The following COL25A1 variants were observed in gnomAD, a reference collection of about 807,000 sequenced individuals.
COL25A1 encodes the protein collagen type XXV alpha 1 chain.
Under a neutral mutation model 128.4 loss-of-function variants are expected in COL25A1, and 103 were observed. The ratio of observed to expected loss-of-function variants is 0.80; its 90% confidence interval spans 0.68 to 0.94. The LOEUF (loss-of-function observed/expected upper bound fraction) is 0.94, where lower values mean the gene tolerates loss of function less well. Among genes scored for constraint, COL25A1 ranks in the 40% least tolerant of loss-of-function variants. The probability of loss-of-function intolerance (pLI) is 0.00; values close to 1 mark genes in which losing one functional copy is unlikely to be tolerated. For missense variants in COL25A1, 745 were observed against 840.0 expected, an observed-to-expected ratio of 0.89 and a Z score of 1.40; for synonymous variants, 279 against 277.2, an observed-to-expected ratio of 1.01 and a Z score of -0.06.
intron 3 of COL25A1, among the ~76,000 whole-genome samples, chr4:109,276,411 C>CAAA (rs201350321): frequency 2.1e-5 from 2 of 93,340 alleles, no homozygotes; most frequent in African/African-American, 4.5e-5. Context: ...GACTCTGTCT[C>CAAA]AAAAAAAAAA....
chr4:108,899,122 G>A, intron 15 of COL25A1, 32 bp downstream of exon 15: 3 of 1,603,022 alleles, frequency 1.9e-6, no homozygotes, highest in South Asian at 2.2e-5. Context: ...TGGGGAGTAG[G>A]GAGAGAGAAA....
At chr4:109,111,635 C>T (rs1767033580) in intron 3 of COL25A1, among the ~76,000 whole-genome samples, 1 of 152,162 alleles carries the variant, frequency 6.6e-6, no homozygotes, top group Non-Finnish European at 1.5e-5. Context: ...TAAAATTCAT[C>T]TCAGCTTTTA....
At chr4:109,171,192 G>T (rs58601435) in intron 3 of COL25A1, among the ~76,000 whole-genome samples, 10,144 of 152,134 alleles carry the variant, frequency 0.067, 602 homozygotes, top group African/African-American at 0.16. Flanking sequence ...CCAGCCAGAG[G>T]CATGCCAACT....
intron 31 of COL25A1, among the ~76,000 whole-genome samples, chr4:108,838,543 A>C (rs1308336041): frequency 6.6e-6 from 1 of 152,218 alleles, no homozygotes; most frequent in Non-Finnish European, 1.5e-5. Flanking sequence ...GGTAGAAAAA[A>C]AAACCCACTC....
At chr4:108,831,787 CT>C (rs888592024) in intron 32 of COL25A1, among the ~76,000 whole-genome samples, 1 of 151,366 alleles carries the variant, frequency 6.6e-6, no homozygotes, top group Non-Finnish European at 1.5e-5. Flanking sequence ...TTCTGAATGT[CT>C]TTTTTCCCCC....
At chr4:108,986,286 T>C (rs906062327) in intron 6 of COL25A1, among the ~76,000 whole-genome samples, 2 of 152,206 alleles carry the variant, frequency 1.3e-5, no homozygotes, top group Non-Finnish European at 2.9e-5. Flanking sequence ...TTTTGTAATC[T>C]ACAATGAAAA....
intron 19 of COL25A1, among the ~76,000 whole-genome samples, chr4:108,873,405 C>G (rs1739005074): frequency 6.6e-6 from 1 of 152,092 alleles, no homozygotes; most frequent in African/African-American, 2.4e-5. Context: ...TTAGTTAAGA[C>G]TTACCATACA....
chr4:109,063,198 TTTAAC>T (rs947832425), intron 3 of COL25A1, among the ~76,000 whole-genome samples: 1 of 152,178 alleles, frequency 6.6e-6, no homozygotes, highest in African/African-American at 2.4e-5. Flanking sequence ...AAAGTGAAAT[TTTAAC>T]TTAACTTTAA....
intron 16 of COL25A1, among the ~76,000 whole-genome samples, chr4:108,896,325 C>T (rs1358296059): frequency 1.3e-5 from 2 of 151,962 alleles, no homozygotes; most frequent in East Asian, 1.9e-4. Context: ...CTTTAGGGTC[C>T]CTATTTTCAT....
At position 109,046,231 on chromosome 4, in the gene COL25A1, A is replaced by T. The variant is rs552268677; in HGVS notation, c.420+1937T>A. On this transcript the variant is annotated intron_variant, in intron 5 of 37. Transcript: ENST00000399132. Reference sequence around the variant, plus strand: ...ATTATACATGTAAAGTACCTAGAATATTGCTTGCCTTACACTAGGGGCTTA... The same window carrying T: ...ATTATACATGTAAAGTACCTAGAATTTTGCTTGCCTTACACTAGGGGCTTA... Among the ~76,000 whole-genome samples the T allele has an allele frequency of 3.9e-5, 6 of 152,278 alleles. No homozygotes were observed. The South Asian group carries it at 1.2e-3, about 32-fold the overall frequency.
intron 18 of COL25A1, among the ~76,000 whole-genome samples, chr4:108,886,179 T>C (rs1160327662): frequency 2.6e-5 from 4 of 152,212 alleles, no homozygotes; most frequent in African/African-American, 9.6e-5. Context: ...TATTTCATAA[T>C]TTGACCTTTC....
intron 8 of COL25A1, among the ~76,000 whole-genome samples, chr4:108,970,650 G>A (rs929710191): frequency 6.6e-6 from 1 of 152,026 alleles, no homozygotes. Context: ...TAGATCTGTT[G>A]AACTTATTCC....
intron 8 of COL25A1, among the ~76,000 whole-genome samples, chr4:108,953,588 A>C (rs1021007554): frequency 6.6e-6 from 1 of 152,178 alleles, no homozygotes; most frequent in Admixed American, 6.5e-5. Flanking sequence ...TAGAAGAGTG[A>C]AGCTGGGGCT....
chr4:108,841,873 C>A, intron 30 of COL25A1, 152 bp from the exon 31 acceptor site: 2 of 648,846 alleles, frequency 3.1e-6, no homozygotes, highest in East Asian at 2.8e-5. Flanking sequence ...TATTTATTAC[C>A]CACCAAAAGT....
intron 3 of COL25A1, among the ~76,000 whole-genome samples, chr4:109,238,713 A>G (rs1262179588): frequency 6.6e-6 from 1 of 152,026 alleles, no homozygotes; most frequent in Non-Finnish European, 1.5e-5. Context: ...TGCCTCTCAC[A>G]GCAGCTCTGC....
intron 11 of COL25A1, 117 bp downstream of exon 11, chr4:108,937,691 A>G: frequency 2.5e-6 from 2 of 801,794 alleles, no homozygotes; most frequent in Non-Finnish European, 3.9e-6. Context: ...AACTTTTACT[A>G]ATTTTCACTT....
chr4:108,848,718 G>A, intron 27 of COL25A1, 41 bp downstream of exon 27: 1 of 1,376,912 alleles, frequency 7.3e-7, no homozygotes. Flanking sequence ...TAGTAATCAA[G>A]AATGATGCTT....
chr4:108,818,859 CTTT>C (rs34144135), intron 36 of COL25A1, among the ~76,000 whole-genome samples: 79 of 147,792 alleles, frequency 5.3e-4, no homozygotes, highest in Admixed American at 2.7e-3. Context: ...GCAGAAATAC[CTTT>C]TTTTTTTTTT....
rs368901006 is a variant in COL25A1, at chr4:108,884,222, C to G, written c.976G>C (p.Gly326Arg). The change falls in exon 19 of 38, where the codon GGT (glycine) becomes CGT (arginine). Residue 326 changes from glycine to arginine, a missense_variant and splice_region_variant. Coordinates refer to ENST00000399132, the MANE Select transcript of COL25A1 (RefSeq NM_198721.4). Reference protein sequence around the residue: ...PGESGRPGQKGEPGLPGLPGL... With the variant: ...PGESGRPGQKREPGLPGLPGL... Reference sequence around the variant, plus strand: ...GGAAGCCCAGGAAGCCCTGGTTCACCCTACACAGGAAAATCATATAGCATT... The same window carrying G: ...GGAAGCCCAGGAAGCCCTGGTTCACGCTACACAGGAAAATCATATAGCATT... 6.2e-7 allele frequency: 1 copy of G among 1,613,204 alleles called. No individual in the cohort carries two copies. Among genetic ancestry groups the G allele is most frequent in the Non-Finnish European group, 8.5e-7 (1 of 1,179,404 alleles).
Sources: gnomAD v4.1 joint callset for allele counts (sites outside exome capture counted in the v4.1 genomes callset) on GRCh38, gnomAD v4.1.1 for gene constraint, MANE v1.5 for transcripts, NCBI Gene and HGNC (gene_info 2026-07-23, HGNC 2026-07-21) for gene names.